CHSY3: variants seen among roughly 807,000 people sequenced by gnomAD.
The protein encoded by CHSY3 is chondroitin sulfate synthase 3.
Under a neutral mutation model 67.2 loss-of-function variants are expected in CHSY3, and 35 were observed. The ratio of observed to expected loss-of-function variants is 0.52; its 90% CI spans 0.40 to 0.69. The LOEUF is 0.69. Among genes scored for constraint, CHSY3 ranks in the 30% least tolerant of loss-of-function variants. The pLI, the probability that CHSY3 is intolerant of heterozygous loss-of-function variation, is 0.00. For synonymous variants in CHSY3, 474 were observed against 434.7 expected (o/e 1.09, Z -1.12); for missense variants, 1,069 against 1,138.5 (o/e 0.94, Z 0.88).
At chr5:129,999,150 G>T (rs1479864640) in intron 2 of CHSY3, among the ~76,000 whole-genome samples, 3 of 144,078 alleles carry the variant, frequency 2.1e-5, no homozygotes, top group African/African-American at 7.7e-5. Flanking sequence ...TTCCTGTGTG[G>T]CTAGCTATTT....
chr5:130,184,846 C>T lies in CHSY3; in HGVS notation c.1704C>T (p.Ser568=), dbSNP rs1770365050. Residue 568 remains serine (S), a synonymous_variant, in exon 3 of 3, where the codon AGC becomes AGT. Transcript: ENST00000305031. ...ATGCCTATCTTCAGCAGTTGTTCAG[C>T]AAGCCTTTCTTCAGAGAGACCGAAG... ...RRHAYLQQLF[S]KPFFRETEEL... is the part of the protein sequence containing the mutation. 1 of 1,607,934 alleles carries T rather than the reference C, an allele frequency of 6.2e-7. No homozygotes were observed. The highest frequency in any genetic ancestry group is 8.5e-7 in the Non-Finnish European group (1 of 1,174,356).
At chr5:129,983,507 A>G (rs1258478595) in intron 2 of CHSY3, among the ~76,000 whole-genome samples, 1 of 152,138 alleles carries the variant, frequency 6.6e-6, no homozygotes, top group Non-Finnish European at 1.5e-5. Context: ...ACTTAGATTA[A>G]GCTTAAATAT....
At chr5:130,099,660 G>T (rs1767164419) in intron 2 of CHSY3, among the ~76,000 whole-genome samples, 1 of 152,162 alleles carries the variant, frequency 6.6e-6, no homozygotes, top group Non-Finnish European at 1.5e-5. Flanking sequence ...CTGGTGTGAG[G>T]AGCTATCTAC....
At position 129,961,545 on chromosome 5, in the gene CHSY3, C is replaced by A. The variant is rs148181993; in HGVS notation, c.1086+53185C>A. ...AGCCCTAGAAGTTTTTCTCTGATAC[C>A]CAAAAGTTCTAAACTGCTCCAGGCT... On this transcript the variant is annotated intron_variant, in intron 2 of 2. Coordinates refer to ENST00000305031, the MANE Select transcript of CHSY3 (RefSeq NM_175856.5). 2.5e-3 allele frequency among the ~76,000 whole-genome samples: 377 copies of A among 151,938 alleles called. 2 individuals are homozygous for A. The highest frequency in any genetic ancestry group is 4.0e-3 in the Non-Finnish European group (270 of 67,938).
At position 130,185,209 on chromosome 5, in the gene CHSY3, C is replaced by T; in HGVS notation, c.2067C>T (p.Ile689=). The stretch of plus-strand genomic sequence containing the variant: ...ACCCCAAAGCAGAAATGACCCTGAT[C>T]CCAATGAAGGGAGAGTTTTCCAGAG... ...NKYPKAEMTL[I]PMKGEFSRGL... is the part of the protein sequence containing the mutation. Residue 689 remains isoleucine, a synonymous_variant, in exon 3 of 3, where the codon ATC becomes ATT. Transcript: ENST00000305031. 6.2e-7 allele frequency: 1 copy of T among 1,609,146 alleles called. No homozygotes were observed.
chr5:129,918,835 C>G, intron 2 of CHSY3, among the ~76,000 whole-genome samples: 1 of 149,974 alleles, frequency 6.7e-6, no homozygotes, highest in East Asian at 1.9e-4. Context: ...TGGCCGGGCG[C>G]GGTGGCTCAC....
At chr5:130,043,238 C>T (rs1261193396) in intron 2 of CHSY3, among the ~76,000 whole-genome samples, 3 of 151,684 alleles carry the variant, frequency 2.0e-5, no homozygotes, top group East Asian at 1.9e-4. Context: ...TTGTCAAATA[C>T]ATAATTTTTA....
chr5:129,943,103 T>C (rs1322660333), intron 2 of CHSY3, among the ~76,000 whole-genome samples: 2 of 152,194 alleles, frequency 1.3e-5, no homozygotes, highest in African/African-American at 4.8e-5. Context: ...CATTCAGTAG[T>C]AGTATGCATA....
At chr5:130,006,218 T>A (rs1183198959) in intron 2 of CHSY3, among the ~76,000 whole-genome samples, 2 of 152,118 alleles carry the variant, frequency 1.3e-5, no homozygotes, top group Non-Finnish European at 2.9e-5. Flanking sequence ...GCAGTAGGAA[T>A]CTGGGTAAAG....
At chr5:130,019,354 T>TACTC (rs1161219165) in intron 2 of CHSY3, among the ~76,000 whole-genome samples, 2 of 152,120 alleles carry the variant, frequency 1.3e-5, no homozygotes. Context: ...CAACATCAGG[T>TACTC]ACTCCATCAC....
rs753438409 is a variant in CHSY3, at chr5:130,185,412, G to A, written c.2270G>A (p.Gly757Glu). The change falls in exon 3 of 3, where the codon GGG (glycine) becomes GAG (glutamate). Residue 757 changes from glycine to glutamate, a missense_variant. Around this residue, in one of 5 missense-constraint regions of CHSY3, gnomAD observed 139 missense variants for 152.8 expected, o/e 0.91. Transcript: ENST00000305031. ...FSQYDPKVTN[G>E]GNPPTDDYFI... ...CAGTATGACCCAAAGGTAACAAACG[G>A]GGGAAATCCTCCCACTGATGATTAC... 6.2e-7 allele frequency: 1 copy of A among 1,613,560 alleles called. No homozygotes were observed. Among genetic ancestry groups the A allele is most frequent in the Non-Finnish European group, 8.5e-7 (1 of 1,179,530 alleles).
chr5:129,947,398 T>A (rs1761889119), intron 2 of CHSY3, among the ~76,000 whole-genome samples: 1 of 151,804 alleles, frequency 6.6e-6, no homozygotes, highest in African/African-American at 2.4e-5. Context: ...CTGGGGTGGG[T>A]GATTCACTTG....
chr5:130,084,862 A>G (rs1345819397), intron 2 of CHSY3, among the ~76,000 whole-genome samples: 6 of 151,992 alleles, frequency 3.9e-5, no homozygotes, highest in Admixed American at 3.9e-4. Flanking sequence ...GTCTGGGTTA[A>G]GATAAGAAAT....
intron 2 of CHSY3, among the ~76,000 whole-genome samples, chr5:130,122,760 C>T (rs769012354): frequency 6.6e-6 from 1 of 152,200 alleles, no homozygotes; most frequent in Non-Finnish European, 1.5e-5. Context: ...ATCTTATCGT[C>T]AGCCAGGAAT....
intron 2 of CHSY3, among the ~76,000 whole-genome samples, chr5:129,910,100 T>TAGGCCTTTGTTCTGGTTAAAGTGAAG (rs1760482639): frequency 6.6e-6 from 1 of 151,956 alleles, no homozygotes; most frequent in South Asian, 2.1e-4. Context: ...ATTTATAATA[T>TAGGCCTTTGTTCTGGTTAAAGTGAAG]AGGCCTTTGT....
chr5:130,156,341 T>C (rs1769374896), intron 2 of CHSY3, among the ~76,000 whole-genome samples: 2 of 152,228 alleles, frequency 1.3e-5, no homozygotes, highest in African/African-American at 2.4e-5. Context: ...TTTCATCATC[T>C]AGGCCACCTT....
intron 2 of CHSY3, among the ~76,000 whole-genome samples, chr5:130,018,571 T>C (rs1238597924): frequency 6.6e-6 from 1 of 152,214 alleles, no homozygotes. Flanking sequence ...GTCATGGTTA[T>C]ATTAGGTCAA....
At chr5:129,968,254 A>G (rs1173477801) in intron 2 of CHSY3, among the ~76,000 whole-genome samples, 1 of 151,824 alleles carries the variant, frequency 6.6e-6, no homozygotes, top group African/African-American at 2.4e-5. Context: ...CTTGCAATTA[A>G]CTTTATGTGA....
In CHSY3 at chr5:130,130,892, C is replaced by G. The variant is rs530808595; in HGVS notation, c.1087-53337C>G. ...TTTCCTGCTTTCCCTATGTCAGTCT[C>G]ACAGACAGGTTCTGTTTTCATGATT... On this transcript the variant is annotated intron_variant, in intron 2 of 2. Coordinates refer to ENST00000305031, the MANE Select transcript of CHSY3 (RefSeq NM_175856.5). 2.0e-5 allele frequency among the ~76,000 whole-genome samples: 3 copies of G among 152,286 alleles called. No individual in the cohort carries two copies. In the South Asian group the frequency reaches 6.2e-4, roughly 32 times the overall value.
Sources: gnomAD v4.1 joint callset for allele counts (sites outside exome capture counted in the v4.1 genomes callset) on GRCh38, gnomAD v4.1.1 for gene constraint, gnomAD v4.1.1 regional missense constraint, MANE v1.5 for transcripts, NCBI Gene and HGNC (gene_info 2026-07-23, HGNC 2026-07-21) for gene names.